The following SORCS2 variants were observed in gnomAD, a reference collection of about 807,000 sequenced individuals.
SORCS2 encodes the protein sortilin related VPS10 domain containing receptor 2, also known as VPS10 domain-containing receptor SorCS2.
Under a neutral mutation model 141.6 loss-of-function variants are expected in SORCS2, and 100 were observed. The observed-to-expected ratio is 0.71, with a 90% CI of 0.60 to 0.83. The LOEUF is 0.83. Ranked by LOEUF, SORCS2 falls within the 40% of genes least tolerant of loss-of-function variation. The pLI, the probability that SORCS2 is intolerant of heterozygous loss-of-function variation, is 0.00. For missense variants in SORCS2, 1,646 were observed against 1,560.2 expected (o/e 1.05, Z -0.93); for synonymous variants, 789 against 676.9 (o/e 1.17, Z -2.57).
chr4:7,724,573 ATGGTGATGGTGGTGGTGTTGG>A lies in SORCS2; in HGVS notation c.2612-578_2612-558del, dbSNP rs1220943831. Among the ~76,000 whole-genome samples, 4 of 40,380 alleles carry A rather than the reference ATGGTGATGGTGGTGGTGTTGG, an allele frequency of 9.9e-5. No individual in the cohort carries two copies. In the South Asian group the frequency reaches 3.6e-3, roughly 36 times the overall value. 26.5% of individuals were successfully genotyped at this position (40,380 alleles called of 152,430 possible). A position where few individuals can be genotyped will look rare whatever the true frequency, so the allele number is the denominator to read the frequency against. ...GTGGTGGGAATGGATGGTGGTGGTG[ATGGTGATGGTGGTGGTGTTGG>A]TGATGGTGGTGATAGTGCTGGTGAG... On this transcript the variant is annotated intron_variant, in intron 19 of 26. Transcript: ENST00000507866.
chr4:7,429,835 G>T (rs1726706187), intron 2 of SORCS2, among the ~76,000 whole-genome samples: 1 of 152,220 alleles, frequency 6.6e-6, no homozygotes, highest in African/African-American at 2.4e-5. Context: ...CCTCGGGCAA[G>T]TTATTTAACC....
intron 1 of SORCS2, among the ~76,000 whole-genome samples, chr4:7,232,292 C>A (rs962041318): frequency 6.6e-6 from 1 of 152,274 alleles, no homozygotes; most frequent in South Asian, 2.1e-4. Context: ...CCCAGTGACC[C>A]TGTGGCCTTT....
In SORCS2 at chr4:7,704,227, C is replaced by T; in HGVS notation, c.1811C>T (p.Thr604Ile). 6.2e-7 allele frequency: 1 copy of T among 1,613,276 alleles called. No individual in the cohort carries two copies. Among genetic ancestry groups the T allele is most frequent in the East Asian group, 2.2e-5 (1 of 44,852 alleles). ...LTWSTHNFTS[T>I]SVFVDGLLSE... The stretch of plus-strand genomic sequence containing the variant: ...TGGAGCACGCACAACTTCACCAGCA[C>T]CTCGGTGTTTGTGGACGGGCTGCTG... Residue 604 changes from threonine to isoleucine, a missense_variant, in exon 14 of 27, where the codon ACC becomes ATC. Physicochemically the swap from Thr to Ile is moderately conservative, Grantham distance 89 (BLOSUM62 -1). Coordinates refer to ENST00000507866, the MANE Select transcript of SORCS2 (RefSeq NM_020777.3).
chr4:7,605,670 G>C (rs1718010575), intron 3 of SORCS2, among the ~76,000 whole-genome samples: 1 of 152,172 alleles, frequency 6.6e-6, no homozygotes, highest in Non-Finnish European at 1.5e-5. Context: ...GCCAGAAAGA[G>C]GCCGTCTCCC....
At chr4:7,528,161 C>T (rs1178930375) in intron 2 of SORCS2, among the ~76,000 whole-genome samples, 1 of 152,046 alleles carries the variant, frequency 6.6e-6, no homozygotes, top group Admixed American at 6.5e-5. Flanking sequence ...GGACACACAG[C>T]AGGTACTCAG....
chr4:7,472,852 A>G (rs1482872211), intron 2 of SORCS2, among the ~76,000 whole-genome samples: 2 of 152,002 alleles, frequency 1.3e-5, no homozygotes, highest in Admixed American at 1.3e-4. Context: ...ACAGAACAAA[A>G]CTGCCTTCGC....
At chr4:7,478,323 GT>G (rs1476504605) in intron 2 of SORCS2, among the ~76,000 whole-genome samples, 1 of 152,018 alleles carries the variant, frequency 6.6e-6, no homozygotes, top group African/African-American at 2.4e-5. Flanking sequence ...CATGGTCTGC[GT>G]CACCAGCTCC....
intron 9 of SORCS2, among the ~76,000 whole-genome samples, chr4:7,681,139 T>C (rs1723500105): frequency 6.6e-6 from 1 of 152,174 alleles, no homozygotes; most frequent in African/African-American, 2.4e-5. Context: ...CTGATGCGTG[T>C]CCTTGGGGGT....
intron 1 of SORCS2, among the ~76,000 whole-genome samples, chr4:7,381,082 CAAAA>C (rs397745880): frequency 9.6e-6 from 1 of 103,956 alleles, no homozygotes; most frequent in Non-Finnish European, 1.9e-5. Context: ...ACTCTGTCTC[CAAAA>C]AAAAAAAAAA....
chr4:7,562,276 G>T (rs1424064586), intron 3 of SORCS2, among the ~76,000 whole-genome samples: 1 of 152,130 alleles, frequency 6.6e-6, no homozygotes, highest in Non-Finnish European at 1.5e-5. Flanking sequence ...AGGCTGCCCT[G>T]AGGAAGTGGT....
intron 1 of SORCS2, among the ~76,000 whole-genome samples, chr4:7,295,686 G>A (rs1054977092): frequency 6.6e-6 from 1 of 152,356 alleles, no homozygotes; most frequent in South Asian, 2.1e-4. Flanking sequence ...TGAACGGGAC[G>A]GCACTCTCAG....
intron 2 of SORCS2, among the ~76,000 whole-genome samples, chr4:7,415,133 G>A (rs1287445547): frequency 2.6e-5 from 4 of 152,190 alleles, no homozygotes; most frequent in South Asian, 2.1e-4. Flanking sequence ...TTTGGGGCAC[G>A]CCTTGGTAAG....
At chr4:7,739,359 G>A (rs902389975) in intron 26 of SORCS2, among the ~76,000 whole-genome samples, 4 of 152,082 alleles carry the variant, frequency 2.6e-5, no homozygotes, top group Non-Finnish European at 4.4e-5. Flanking sequence ...AGGCCTTCTC[G>A]AGTGGACAGA....
At chr4:7,574,729 G>A (rs1198866532) in intron 3 of SORCS2, among the ~76,000 whole-genome samples, 1 of 152,152 alleles carries the variant, frequency 6.6e-6, no homozygotes, top group Admixed American at 6.5e-5. Context: ...GGGCCTTTTA[G>A]GTCAACCCCC....
In SORCS2 at chr4:7,663,389, A is replaced by T. The variant is rs1722306406; in HGVS notation, c.953-964A>T. On this transcript the variant is annotated intron_variant, in intron 6 of 26. Coordinates refer to ENST00000507866, the MANE Select transcript of SORCS2 (RefSeq NM_020777.3). This position sits in a 1 kb window ranked among gnomAD's most constrained non-coding sequence, Gnocchi z 4.8. ...AGACTGTTGACTGATCCTGCCCCTG[A>T]GCTAGTCATTTCACTGCATCTCCAG... 6.6e-6 allele frequency among the ~76,000 whole-genome samples: 1 copy of T among 152,208 alleles called. No homozygotes were observed. Among genetic ancestry groups the T allele is most frequent in the Non-Finnish European group, 1.5e-5 (1 of 68,042 alleles).
intron 1 of SORCS2, among the ~76,000 whole-genome samples, chr4:7,338,334 G>C (rs1446801120): frequency 6.6e-6 from 1 of 151,312 alleles, no homozygotes; most frequent in African/African-American, 2.4e-5. Context: ...TGGAAGGATG[G>C]CTGGCTGGAT....
chr4:7,733,328 G>A lies in SORCS2; in HGVS notation c.3115G>A (p.Ala1039Thr), dbSNP rs200651445. 6.5e-6 allele frequency: 10 copies of A among 1,526,742 alleles called. No homozygotes were observed. Among genetic ancestry groups the A allele is most frequent in the South Asian group, 2.6e-5 (2 of 78,402 alleles). 94.6% of individuals were successfully genotyped at this position (1,526,742 alleles called of 1,614,324 possible). A position where few individuals can be genotyped will look rare whatever the true frequency, so the allele number is the denominator to read the frequency against. ...KRSLSSDKRL[A>T]AIQQVLNAQK... ...GTCCCCTCTGTGCTTGCAGAGGCTCGCCGCCATCCAGCAGGTGCTGAACGC... is the reference window on the plus strand; with the variant it reads ...GTCCCCTCTGTGCTTGCAGAGGCTCACCGCCATCCAGCAGGTGCTGAACGC... The change falls in exon 24 of 27, where the codon GCC (alanine) becomes ACC (threonine). Residue 1039 changes from alanine to threonine, a missense_variant. Ala to Thr is a moderately conservative substitution (Grantham distance 58). Coordinates refer to ENST00000507866, the MANE Select transcript of SORCS2 (RefSeq NM_020777.3).
At chr4:7,695,940 G>GGATGGA (rs1560491052) in intron 11 of SORCS2, among the ~76,000 whole-genome samples, 3,480 of 88,458 alleles carry the variant, frequency 0.039, 351 homozygotes, top group African/African-American at 0.096. Context: ...GGGTGGGTGG[G>GGATGGA]TGGATGGATG....
chr4:7,235,935 C>G (rs186944417), intron 1 of SORCS2, among the ~76,000 whole-genome samples: 304 of 152,264 alleles, frequency 2.0e-3, no homozygotes, highest in Non-Finnish European at 3.6e-3. Context: ...GTAAGGGTTG[C>G]CAAGCCTTGA....
Sources: allele counts gnomAD v4.1 joint callset (sites outside exome capture counted in the v4.1 genomes callset), GRCh38; gene constraint gnomAD v4.1.1; non-coding constraint Gnocchi (gnomAD v3.1); transcripts MANE v1.5; gene names NCBI Gene and HGNC (gene_info 2026-07-23, HGNC 2026-07-21).